Variants in KIF26A observed in about 807,000 individuals in gnomAD.
The protein encoded by KIF26A is kinesin family member 26A.
A neutral mutation model predicts 126.0 loss-of-function variants in KIF26A; 74 were observed. The ratio of observed to expected loss-of-function variants is 0.59; its 90% confidence interval spans 0.49 to 0.71. The LOEUF (loss-of-function observed/expected upper bound fraction) is 0.71, where lower values mean the gene tolerates loss of function less well. KIF26A is among the 30% of genes least tolerant of loss of function. KIF26A has a pLI of 0.00. For missense variants in KIF26A, 2,984 were observed against 2,763.3 expected (o/e 1.08, Z -1.79); for synonymous variants, 1,445 against 1,232.7 (o/e 1.17, Z -3.61).
chr14:104,172,934 T>C, intron 7 of KIF26A, 43 bp from the exon 8 acceptor site: 1 of 1,529,448 alleles, frequency 6.5e-7, no homozygotes. Flanking sequence ...TAAAGGCTCC[T>C]TGCGTGGTGT....
intron 5 of KIF26A, among the ~76,000 whole-genome samples, chr14:104,170,212 A>G (rs1483237000): frequency 6.6e-6 from 1 of 152,228 alleles, no homozygotes; most frequent in Non-Finnish European, 1.5e-5. Context: ...ACTGGAAAAA[A>G]AATTGCCAAA....
rs753672906 is a variant in KIF26A at position 104,176,643 on chromosome 14, C to T, written c.3855C>T (p.Asp1285=). Residue 1285 remains aspartate, a synonymous_variant, in exon 12 of 15, where the codon GAC becomes GAT. Transcript: ENST00000423312. ...VMLACAQRVV[D]GCEVAARAAR... is the part of the protein sequence containing the mutation. ...TAGCCTGTGCCCAGAGAGTGGTGGA[C>T]GGGTGTGAGGTGGCAGCCAGGGCGG... The T allele has an allele frequency of 3.9e-5, 63 of 1,605,108 alleles. No individual in the cohort carries two copies. The highest frequency in any genetic ancestry group is 7.7e-5 in the South Asian group (7 of 90,676).
At position 104,176,488 on chromosome 14, in the gene KIF26A, G is replaced by A. The variant is rs1473013988; in HGVS notation, c.3700G>A (p.Gly1234Ser). 5 of 1,605,896 alleles carry A rather than the reference G, an allele frequency of 3.1e-6. No homozygotes were observed. The highest frequency in any genetic ancestry group is 4.2e-6 in the Non-Finnish European group (5 of 1,179,630). Residue 1234 changes from glycine (G) to serine (S), a missense_variant, in exon 12 of 15, where the codon GGC becomes AGC. By Grantham distance (56) the Gly-to-Ser change is moderately conservative (BLOSUM62 0). Coordinates refer to ENST00000423312, the MANE Select transcript of KIF26A (RefSeq NM_015656.2). ...GCARLGQSPP[G>S]RGGLFEDPWL... ...TGCTCGCCTGGGCCAGAGCCCACCT[G>A]GCCGTGGAGGCCTGTTTGAGGACCC...
chr14:104,178,771 G>T lies in KIF26A; in HGVS notation c.5316+16G>T, dbSNP rs936025296. The T allele has an allele frequency of 7.0e-7, 1 of 1,434,382 alleles. No individual in the cohort carries two copies. Among genetic ancestry groups the T allele is most frequent in the Non-Finnish European group, 9.4e-7 (1 of 1,058,672 alleles). 88.9% of individuals were successfully genotyped at this position (1,434,382 alleles called of 1,614,324 possible). Reference sequence around the variant, plus strand: ...CCCCACCCAGGTAGGGCCTTTGGTGGGCTGGGGTCTATGACCCCTGGTGGG... The same window carrying T: ...CCCCACCCAGGTAGGGCCTTTGGTGTGCTGGGGTCTATGACCCCTGGTGGG... On this transcript the variant is annotated intron_variant, in intron 13 of 14. Transcript: ENST00000423312.
rs989218702 is a variant in KIF26A, at chr14:104,173,413, C to T, written c.1767C>T (p.Thr589=). The T allele has an allele frequency of 6.3e-7, 1 of 1,583,962 alleles. No homozygotes were observed. Among genetic ancestry groups the T allele is most frequent in the Non-Finnish European group, 8.6e-7 (1 of 1,166,236 alleles). The part of the protein sequence containing the change: ...YLDAALAARS[T]SRAGCGEDAR... ...ATGCGGCCCTGGCGGCCCGCAGCAC[C>T]AGCCGAGCGGGCTGTGGCGAGGACG... The change falls in exon 9 of 15, where the codon ACC becomes ACT. Residue 589 remains threonine (T), a synonymous_variant. Coordinates refer to ENST00000423312, the MANE Select transcript of KIF26A (RefSeq NM_015656.2).
chr14:104,156,761 G>A (rs373046590), intron 3 of KIF26A, among the ~76,000 whole-genome samples: 3 of 152,326 alleles, frequency 2.0e-5, no homozygotes, highest in Non-Finnish European at 4.4e-5. Context: ...TCTGGCCTGT[G>A]CCACTTGGGA....
At chr14:104,149,837 A>T (rs1398995326) in intron 2 of KIF26A, among the ~76,000 whole-genome samples, 1 of 152,092 alleles carries the variant, frequency 6.6e-6, no homozygotes, top group Non-Finnish European at 1.5e-5. Context: ...GCCTGTCTGG[A>T]GGCTCCAGAA....
chr14:104,167,311 G>T (rs1336441052), intron 5 of KIF26A, among the ~76,000 whole-genome samples: 1 of 152,088 alleles, frequency 6.6e-6, no homozygotes, highest in Non-Finnish European at 1.5e-5. Flanking sequence ...CGTGGGGCGG[G>T]ACAGCCAGGT....
Position 104,177,850 on chromosome 14 carries a change from C to T in KIF26A, c.5062C>T (p.Pro1688Ser). Residue 1688 changes from proline to serine, a missense_variant, in exon 12 of 15, where the codon CCA becomes TCA. Pro to Ser is a moderately conservative substitution (Grantham distance 74). Coordinates refer to ENST00000423312, the MANE Select transcript of KIF26A (RefSeq NM_015656.2). ...DSMSESGAAS[P>S]GARTRSLKSP... ...CATGAGCGAGAGTGGGGCTGCCTCC[C>T]CAGGCGCCCGCACCCGCAGCCTCAA... 1 of 1,562,542 alleles carries T rather than the reference C, an allele frequency of 6.4e-7. No homozygotes were observed. The highest frequency in any genetic ancestry group is 8.6e-7 in the Non-Finnish European group (1 of 1,160,954).
Position 104,179,298 on chromosome 14 carries a change from G to A in KIF26A, c.5379G>A (p.Glu1793=). The A allele has an allele frequency of 2.6e-6, 4 of 1,536,932 alleles. No homozygotes were observed. Among genetic ancestry groups the A allele is most frequent in the Non-Finnish European group, 2.6e-6 (3 of 1,145,132 alleles). Residue 1793 remains glutamate (E), a synonymous_variant, in exon 14 of 15, where the codon GAG becomes GAA. Transcript: ENST00000423312. The stretch of plus-strand genomic sequence containing the variant: ...AGCGCAGGCAGCAGCGGCTGCGGGA[G>A]GTGCAGGCCAAGCACAAGCACCTGT... The part of the protein sequence containing the change: ...LAERRQQRLR[E]VQAKHKHLCE...
intron 1 of KIF26A, 78 bp from the exon 2 acceptor site, chr14:104,138,965 C>G: frequency 7.6e-7 from 1 of 1,307,812 alleles, no homozygotes; most frequent in Non-Finnish European, 9.7e-7. Context: ...GAGCGTCACG[C>G]TGGGGCAGGG....
intron 4 of KIF26A, among the ~76,000 whole-genome samples, chr14:104,164,727 GTC>G (rs2141106386): frequency 6.6e-6 from 1 of 151,958 alleles, no homozygotes; most frequent in African/African-American, 2.4e-5. Context: ...GTGTGTGCGT[GTC>G]TGTGTGTGTG....
chr14:104,158,035 C>T, intron 4 of KIF26A, 93 bp downstream of exon 4: 1 of 1,211,786 alleles, frequency 8.3e-7, no homozygotes, highest in Non-Finnish European at 1.1e-6. Flanking sequence ...TCTTGGGGGA[C>T]CTCGGGCATG....
Position 104,173,182 on chromosome 14 carries a change from C to G in KIF26A, c.1626C>G (p.Leu542=), listed in dbSNP as rs61743517. The change falls in exon 8 of 15, where the codon CTC becomes CTG. Residue 542 remains leucine (L), a synonymous_variant. Coordinates refer to ENST00000423312, the MANE Select transcript of KIF26A (RefSeq NM_015656.2). ...DLLAEVAPGS[L]QDTQSPGVYL... is the part of the protein sequence containing the mutation. ...TGGCCGAGGTGGCCCCTGGCAGCCT[C>G]CAGGACACCCAGTCTCCGGGAGTGT... is the stretch of plus-strand genomic sequence containing the variant. 0.057 allele frequency: 91,331 copies of G among 1,611,626 alleles called. 2,889 individuals carry two copies. Among genetic ancestry groups the G allele is most frequent in the Non-Finnish European group, 0.065 (76,692 of 1,179,378 alleles).
At chr14:104,172,543 C>T (rs748789741) in intron 6 of KIF26A, 32 bp from the exon 7 acceptor site, 4 of 1,557,462 alleles carry the variant, frequency 2.6e-6, no homozygotes, top group South Asian at 2.3e-5. Flanking sequence ...AGGAAGGGGC[C>T]ACAGCCCTGC....
chr14:104,152,514 G>A lies in KIF26A; in HGVS notation c.735+53G>A, dbSNP rs536851928. On this transcript the variant is annotated intron_variant, in intron 3 of 14. Transcript: ENST00000423312. The surrounding 1 kb of genome is among the most constrained non-coding windows in gnomAD (Gnocchi z 5.9). The stretch of plus-strand genomic sequence containing the variant: ...CTGCTGGCCTCCTTGTCAGAACTGG[G>A]CTTCCTTCGGGGGTCTCTGTCCACG... 13 of 1,473,560 alleles carry A rather than the reference G, an allele frequency of 8.8e-6. No individual in the cohort carries two copies. The African/African-American group carries it at 1.4e-4, about 16-fold the overall frequency. 91.3% of individuals were successfully genotyped at this position (1,473,560 alleles called of 1,614,324 possible).
intron 4 of KIF26A, among the ~76,000 whole-genome samples, chr14:104,162,427 G>C (rs76761921): frequency 1.3e-5 from 2 of 152,344 alleles, no homozygotes; most frequent in East Asian, 3.9e-4. Flanking sequence ...CGCTGCTCCT[G>C]GGAGGGTCAC....
At chr14:104,155,811 C>T (rs563611763) in intron 3 of KIF26A, among the ~76,000 whole-genome samples, 23 of 152,190 alleles carry the variant, frequency 1.5e-4, no homozygotes, top group African/African-American at 2.7e-4. Flanking sequence ...ACCTTCTGGC[C>T]GGAGGTGGAG....
Position 104,177,102 on chromosome 14 carries a change from G to C in KIF26A, c.4314G>C (p.Leu1438=), listed in dbSNP as rs1364256164. ...ACCGTCTTGCCGGACACGCGTCTCT[G>C]GAGCGGTACGAAGGCCTGGCGCACA... ...AAHRLAGHAS[L]ERYEGLAHSS... The change falls in exon 12 of 15, where the codon CTG becomes CTC. Residue 1438 remains leucine, a synonymous_variant. Transcript: ENST00000423312. 1 of 1,597,322 alleles carries C rather than the reference G, an allele frequency of 6.3e-7. No homozygotes were observed.
Sources: allele counts gnomAD v4.1 joint callset (sites outside exome capture counted in the v4.1 genomes callset), GRCh38; gene constraint gnomAD v4.1.1; non-coding constraint Gnocchi (gnomAD v3.1); transcripts MANE v1.5; gene names NCBI Gene and HGNC (gene_info 2026-07-23, HGNC 2026-07-21).